Variants in CALD1 observed in about 807,000 individuals in gnomAD.
The protein encoded by CALD1 is caldesmon.
CALD1 carries 33 observed loss-of-function variants against 99.9 expected under a neutral mutation model. That is an observed-to-expected ratio of 0.33 (90% CI 0.25 to 0.44). The LOEUF is 0.44. Among genes scored for constraint, CALD1 ranks in the 20% least tolerant of loss-of-function variants. The pLI is 1.00. For synonymous variants in CALD1, 310 were observed against 325.0 expected, an observed-to-expected ratio of 0.95 and a Z score of 0.50; for missense variants, 861 against 962.1, an observed-to-expected ratio of 0.89 and a Z score of 1.39.
the CALD1 span, among the ~76,000 whole-genome samples, chr7:134,731,389 T>C: frequency 6.6e-6 from 1 of 152,224 alleles, no homozygotes; most frequent in East Asian, 1.9e-4. Flanking sequence ...TGTCATCTGC[T>C]TCCTTTCTGA....
intron 3 of CALD1, among the ~76,000 whole-genome samples, chr7:134,927,551 CAAAAAA>C (rs58182455): frequency 2.0e-4 from 8 of 40,396 alleles, no homozygotes; most frequent in Non-Finnish European, 2.9e-4. Context: ...GACTGTGTCT[CAAAAAA>C]AAAAAAAAAA....
At chr7:134,842,602 G>C (rs1490561146) in intron 1 of CALD1, among the ~76,000 whole-genome samples, 9 of 152,128 alleles carry the variant, frequency 5.9e-5, no homozygotes. Flanking sequence ...TTTTGTAAAG[G>C]ATCCCTAATT....
intron 3 of CALD1, among the ~76,000 whole-genome samples, chr7:134,905,353 C>T (rs1342942634): frequency 6.6e-6 from 1 of 152,096 alleles, no homozygotes; most frequent in African/African-American, 2.4e-5. Flanking sequence ...ATCCTTACAA[C>T]TCCACTATGA....
chr7:134,857,744 T>G (rs1427388805), intron 2 of CALD1, among the ~76,000 whole-genome samples: 1 of 152,144 alleles, frequency 6.6e-6, no homozygotes, highest in Non-Finnish European at 1.5e-5. Context: ...ATTATAAACT[T>G]CTAGAAGGTA....
intron 1 of CALD1, among the ~76,000 whole-genome samples, chr7:134,825,637 A>G (rs1196122380): frequency 6.6e-6 from 1 of 152,194 alleles, no homozygotes; most frequent in African/African-American, 2.4e-5. Context: ...GGTTGGTATA[A>G]TCTGCAAAAT....
chr7:134,934,121 G>T lies in CALD1; in HGVS notation c.1308+44G>T, dbSNP rs567668088. The T allele has an allele frequency of 7.0e-6, 11 of 1,569,270 alleles. No homozygotes were observed. In the Admixed American group the frequency reaches 1.7e-4, roughly 24 times the overall value. The stretch of plus-strand genomic sequence containing the variant: ...ACCAAATGTGTGATGCCTGTGACTT[G>T]TGAGAAATGTAATGCACATCTGATT... On this transcript the variant is annotated intron_variant, in intron 5 of 14. Coordinates refer to ENST00000361675, the MANE Select transcript of CALD1 (RefSeq NM_033138.4).
intron 1 of CALD1, among the ~76,000 whole-genome samples, chr7:134,792,356 C>G (rs1438637953): frequency 6.9e-6 from 1 of 145,446 alleles, no homozygotes; most frequent in Non-Finnish European, 1.5e-5. Flanking sequence ...GTAGTGCCAT[C>G]TCGACTCACT....
rs1417407702 is a variant in CALD1, at chr7:134,970,491, G to A, written c.*2146G>A. On this transcript the variant is annotated 3_prime_UTR_variant, in exon 15 of 15. Coordinates refer to ENST00000361675, the MANE Select transcript of CALD1 (RefSeq NM_033138.4). ...CTATAATTCTCTGTTATCTTTACGA[G>A]GTAAAACTGCAAGCTGACTAGCATG... 1 of 152,552 alleles carries A rather than the reference G, an allele frequency of 6.6e-6. No homozygotes were observed. The highest frequency in any genetic ancestry group is 1.5e-5 in the Non-Finnish European group (1 of 68,018). 9.4% of individuals were successfully genotyped at this position (152,552 alleles called of 1,614,324 possible). A position where few individuals can be genotyped will look rare whatever the true frequency, so the allele number is the denominator to read the frequency against.
intron 3 of CALD1, among the ~76,000 whole-genome samples, chr7:134,881,490 G>A (rs183345406): frequency 3.3e-5 from 5 of 151,612 alleles, no homozygotes; most frequent in Admixed American, 3.3e-4. Context: ...CAGGGTGGCT[G>A]AGAAAATTAA....
At chr7:134,737,790 T>C in the CALD1 span, among the ~76,000 whole-genome samples, 2 of 152,186 alleles carry the variant, frequency 1.3e-5, no homozygotes, top group East Asian at 3.9e-4. Context: ...TTCTGGATGG[T>C]GGAATGTCTC....
At chr7:134,805,327 T>C (rs1472479575) in intron 1 of CALD1, among the ~76,000 whole-genome samples, 1 of 152,216 alleles carries the variant, frequency 6.6e-6, no homozygotes, top group Non-Finnish European at 1.5e-5. Flanking sequence ...TACTTTTCTG[T>C]ATCTTATTCT....
chr7:134,812,228 G>A (rs900054967), intron 1 of CALD1, among the ~76,000 whole-genome samples: 1 of 152,138 alleles, frequency 6.6e-6, no homozygotes, highest in Admixed American at 6.5e-5. Flanking sequence ...CCTATAAGCT[G>A]CATGCTACCA....
At chr7:134,759,863 C>T (rs1020192425) in intron 1 of CALD1, among the ~76,000 whole-genome samples, 18 of 152,154 alleles carry the variant, frequency 1.2e-4, no homozygotes, top group African/African-American at 1.9e-4. Context: ...GTATGTCAAG[C>T]GGCAATAAAT....
chr7:134,752,817 A>G (rs1796696039), intron 1 of CALD1, among the ~76,000 whole-genome samples: 1 of 152,080 alleles, frequency 6.6e-6, no homozygotes, highest in Non-Finnish European at 1.5e-5. Flanking sequence ...CCTGGCCAAC[A>G]TGGTGAAACA....
intron 1 of CALD1, among the ~76,000 whole-genome samples, chr7:134,791,219 T>C (rs955434330): frequency 4.6e-5 from 7 of 152,198 alleles, no homozygotes; most frequent in Admixed American, 1.3e-4. Context: ...TTTTTTGAGA[T>C]GAAGTTTTGT....
intron 1 of CALD1, among the ~76,000 whole-genome samples, chr7:134,842,753 A>G (rs1381986054): frequency 1.3e-5 from 2 of 152,182 alleles, no homozygotes; most frequent in Non-Finnish European, 2.9e-5. Context: ...CTGTAAATAT[A>G]TGCTAGCAAT....
At chr7:134,894,512 G>A (rs1802425755) in intron 3 of CALD1, among the ~76,000 whole-genome samples, 1 of 152,114 alleles carries the variant, frequency 6.6e-6, no homozygotes, top group South Asian at 2.1e-4. Flanking sequence ...CACTCCTTTT[G>A]CTTTGCTAGA....
chr7:134,958,883 A>ATATATATATATATATTTAAC lies in CALD1; in HGVS notation c.2061+608_2061+609insTTAACTATATATATATATAT, dbSNP rs1563133999. Among the ~76,000 whole-genome samples, 9 of 23,324 alleles carry ATATATATATATATATTTAAC rather than the reference A, an allele frequency of 3.9e-4. No individual in the cohort carries two copies. The East Asian group carries it at 5.2e-3, about 14-fold the overall frequency. The allele number at this position is 23,324 out of a possible 152,430, so 15.3% of individuals were successfully genotyped here. A position where few individuals can be genotyped will look rare whatever the true frequency, so the allele number is the denominator to read the frequency against. On this transcript the variant is annotated intron_variant, in intron 11 of 14. Transcript: ENST00000361675. ...TTTACTGGTATTTAAATATATATAT[A>ATATATATATATATATTTAAC]TATATATATATATATATATATATAT... is the stretch of plus-strand genomic sequence containing the variant.
chr7:134,735,092 G>T, the CALD1 span: 1 of 180,632 alleles, frequency 5.5e-6, no homozygotes. Context: ...ACTCCTGAAT[G>T]GTTGTGTTGC....
Sources: gnomAD v4.1 joint callset for allele counts (sites outside exome capture counted in the v4.1 genomes callset) on GRCh38, gnomAD v4.1.1 for gene constraint, MANE v1.5 for transcripts, NCBI Gene and HGNC (gene_info 2026-07-23, HGNC 2026-07-21) for gene names.